Variants in UBTF observed in about 807,000 individuals in gnomAD.
The protein encoded by UBTF is nucleolar transcription factor 1.
A neutral mutation model predicts 112.3 loss-of-function variants in UBTF; 8 were observed. The observed-to-expected ratio is 0.07, with a 90% CI of 0.04 to 0.13. UBTF has a LOEUF of 0.13. Ranked by LOEUF, UBTF falls within the 10% of genes least tolerant of loss-of-function variation. UBTF has a pLI of 1.00. For missense variants in UBTF, 457 were observed against 982.1 expected (o/e 0.47, Z 7.15); for synonymous variants, 417 against 373.1 (o/e 1.12, Z -1.36).
At chr17:44,213,796 C>G (rs552186353) in intron 5 of UBTF, among the ~76,000 whole-genome samples, 1 of 152,246 alleles carries the variant, frequency 6.6e-6, no homozygotes, top group East Asian at 1.9e-4. Flanking sequence ...TGGAGGGGAA[C>G]CCAGAGCGAG....
intron 6 of UBTF, 117 bp downstream of exon 6, chr17:44,213,101 C>T: frequency 6.5e-7 from 1 of 1,533,734 alleles, no homozygotes; most frequent in Non-Finnish European, 8.9e-7. Flanking sequence ...CTAGGGCTCA[C>T]ATGTGACCCA....
chr17:44,207,535 A>G lies in UBTF; in HGVS notation c.2088T>C (p.Asp696=), dbSNP rs1412094893. Residue 696 remains aspartate, a synonymous_variant, in exon 20 of 21, where the codon GAT becomes GAC. Coordinates refer to ENST00000436088, the MANE Select transcript of UBTF (RefSeq NM_014233.4). ...CTTCAGAGGAGTCCCCATTCTCATC[A>G]TCTTCCTCTTCTTCATCCTCGTCCT... is the stretch of plus-strand genomic sequence containing the variant. ...DDEDEDEEEE[D]DENGDSSEDG... is the part of the protein sequence containing the mutation. The G allele has an allele frequency of 1.9e-6, 3 of 1,613,566 alleles. No homozygotes were observed. The Admixed American group carries it at 5.0e-5, about 27-fold the overall frequency.
chr17:44,213,171 G>C (rs1328670166), intron 6 of UBTF, 47 bp downstream of exon 6: 18 of 1,599,140 alleles, frequency 1.1e-5, no homozygotes, highest in Non-Finnish European at 1.5e-5. Context: ...AGCCTATTCT[G>C]CTGCCCCCAG....
intron 5 of UBTF, among the ~76,000 whole-genome samples, chr17:44,213,720 G>A (rs968622157): frequency 7.2e-5 from 11 of 152,100 alleles, no homozygotes; most frequent in Non-Finnish European, 8.8e-5. Context: ...CCCCTTGTAC[G>A]TAGCCTCTAC....
intron 13 of UBTF, 44 bp downstream of exon 13, chr17:44,210,748 T>G (rs1322966737): frequency 1.3e-6 from 2 of 1,547,406 alleles, no homozygotes; most frequent in Non-Finnish European, 1.7e-6. Flanking sequence ...GAGGGGGCCC[T>G]GGCAGCCCCC....
At chr17:44,207,390 G>A in intron 20 of UBTF, 23 bp from the exon 21 acceptor site, 1 of 1,612,356 alleles carries the variant, frequency 6.2e-7, no homozygotes, top group South Asian at 1.1e-5. Flanking sequence ...AAAGGATGTG[G>A]AGTCACCAGG....
intron 16 of UBTF, 38 bp downstream of exon 16, chr17:44,209,607 C>T (rs2056520263): frequency 6.2e-7 from 1 of 1,614,056 alleles, no homozygotes; most frequent in Non-Finnish European, 8.5e-7. Context: ...CCCTGACCCT[C>T]CCCGACCTCC....
chr17:44,211,304 G>C lies in UBTF; in HGVS notation c.1075C>G (p.Leu359Val). Reference protein sequence around the residue: ...QKKKDYEVELLRFLESLPEEE... With the variant: ...QKKKDYEVELVRFLESLPEEE... ...GGAACACTCACCTCGAGGAAACGGAGCAGCTCCACCTCGTAATCTTTCTTT... is the reference window on the plus strand; with the variant it reads ...GGAACACTCACCTCGAGGAAACGGACCAGCTCCACCTCGTAATCTTTCTTT... The change falls in exon 11 of 21, where the codon CTC becomes GTC. Residue 359 changes from leucine to valine, a missense_variant. Around this residue, in one of 7 missense-constraint regions of UBTF, gnomAD observed 87 missense variants for 286.6 expected, o/e 0.30. Transcript: ENST00000436088. The surrounding 1 kb of genome is among the most constrained non-coding windows in gnomAD (Gnocchi z 4.9). 1 of 1,614,268 alleles carries C rather than the reference G, an allele frequency of 6.2e-7. No homozygotes were observed. The highest frequency in any genetic ancestry group is 1.1e-5 in the South Asian group (1 of 91,084).
intron 18 of UBTF, 41 bp downstream of exon 18, chr17:44,207,823 C>T (rs1331170584): frequency 6.2e-7 from 1 of 1,614,036 alleles, no homozygotes; most frequent in Admixed American, 1.7e-5. Flanking sequence ...CCCCTGAATT[C>T]CCCCACCCCT....
In UBTF at chr17:44,211,014, C is replaced by A. The variant is rs191434359; in HGVS notation, c.1203+25G>T. On this transcript the variant is annotated intron_variant, in intron 12 of 20. Coordinates refer to ENST00000436088, the MANE Select transcript of UBTF (RefSeq NM_014233.4). This position sits in a 1 kb window ranked among gnomAD's most constrained non-coding sequence, Gnocchi z 4.9. ...GGAGCCCAGTCTTGCCCACCCCCGC[C>A]TGCGCGGCCGCACCCTCTGCCCACC... The A allele has an allele frequency of 8.1e-6, 13 of 1,604,612 alleles. No homozygotes were observed. The highest frequency in any genetic ancestry group is 3.3e-4 in the Middle Eastern group (2 of 6,026).
At chr17:44,213,087 C>T in intron 6 of UBTF, 131 bp downstream of exon 6, 1 of 1,527,620 alleles carries the variant, frequency 6.5e-7, no homozygotes, top group Middle Eastern at 1.8e-4. Flanking sequence ...CTGAGCATGA[C>T]ACACTAGGGC....
chr17:44,212,037 A>T, intron 8 of UBTF, 31 bp from the exon 9 acceptor site: 60 of 1,354,526 alleles, frequency 4.4e-5, no homozygotes, highest in East Asian at 1.9e-4. Context: ...ACGGAGGGCA[A>T]TGGGGTGTGG....
upstream of UBTF, among the ~76,000 whole-genome samples, chr17:44,220,452 G>C (rs1235580485): frequency 1.3e-5 from 2 of 152,020 alleles, no homozygotes; most frequent in African/African-American, 2.4e-5. Context: ...GCGGCGTCCA[G>C]CTTCGGTGCC....
Position 44,206,083 on chromosome 17 carries a change from T to C in UBTF, c.*1159A>G, listed in dbSNP as rs1221266957. The C allele has an allele frequency of 2.0e-5, 3 of 152,188 alleles. No individual in the cohort carries two copies. Among genetic ancestry groups the C allele is most frequent in the East Asian group, 1.9e-4 (1 of 5,184 alleles). 9.4% of individuals were successfully genotyped at this position (152,188 alleles called of 1,614,324 possible). On this transcript the variant is annotated 3_prime_UTR_variant, in exon 21 of 21. Transcript: ENST00000436088. ...GGTTCTGAGCCTGGGGTGGCCAGGC[T>C]TGGCCTCTCAGATGAACAGGGGAGA...
chr17:44,206,413 T>TAC lies in UBTF; in HGVS notation c.*827_*828dup, dbSNP rs3837836. 9.3e-3 allele frequency: 1,369 copies of TAC among 146,812 alleles called. 19 individuals are homozygous for TAC. Among genetic ancestry groups the TAC allele is most frequent in the African/African-American group, 0.028 (1,079 of 39,130 alleles). 9.1% of individuals were successfully genotyped at this position (146,812 alleles called of 1,614,324 possible). A position where few individuals can be genotyped will look rare whatever the true frequency, so the allele number is the denominator to read the frequency against. On this transcript the variant is annotated 3_prime_UTR_variant, in exon 21 of 21. Transcript: ENST00000436088. ...ATGTGGGCTCTAGGACAGACCCCTT[T>TAC]ACACACACACACACACACTCACACT...
chr17:44,216,916 T>C (rs1306873429), intron 2 of UBTF, among the ~76,000 whole-genome samples: 1 of 152,216 alleles, frequency 6.6e-6, no homozygotes, highest in East Asian at 1.9e-4. Context: ...ATGCTATACC[T>C]AGAAAGCCAG....
chr17:44,220,052 G>GGCTGCT (rs914059314), upstream of UBTF, among the ~76,000 whole-genome samples: 15 of 137,194 alleles, frequency 1.1e-4, no homozygotes, highest in African/African-American at 1.6e-4. Flanking sequence ...CGGCGGCGGC[G>GGCTGCT]GCTGCTGCTG....
intron 3 of UBTF, 41 bp downstream of exon 3, chr17:44,216,488 T>C (rs760388776): frequency 1.2e-6 from 2 of 1,605,440 alleles, no homozygotes; most frequent in Non-Finnish European, 1.7e-6. Flanking sequence ...CCACGCTGAG[T>C]GGGGGGTATG....
At position 44,206,430 on chromosome 17, in the gene UBTF, A is replaced by ACACACACACACACACACACACT. The variant is rs1360050189; in HGVS notation, c.*811_*812insAGTGTGTGTGTGTGTGTGTGTG. 1.4e-5 allele frequency: 2 copies of ACACACACACACACACACACACT among 147,654 alleles called. No individual in the cohort carries two copies. Among genetic ancestry groups the ACACACACACACACACACACACT allele is most frequent in the African/African-American group, 5.1e-5 (2 of 39,140 alleles). 9.1% of individuals were successfully genotyped at this position (147,654 alleles called of 1,614,324 possible). ...GACCCCTTTACACACACACACACAC[A>ACACACACACACACACACACACT]CTCACACTCTTTTGCACACATCCAC... On this transcript the variant is annotated 3_prime_UTR_variant, in exon 21 of 21. Coordinates refer to ENST00000436088, the MANE Select transcript of UBTF (RefSeq NM_014233.4).
Sources: allele counts gnomAD v4.1 joint callset (sites outside exome capture counted in the v4.1 genomes callset), GRCh38; gene constraint gnomAD v4.1.1; regional missense constraint gnomAD v4.1.1; non-coding constraint Gnocchi (gnomAD v3.1); transcripts MANE v1.5; gene names NCBI Gene and HGNC (gene_info 2026-07-23, HGNC 2026-07-21).